The following VANGL1 variants were observed in gnomAD, a reference collection of about 807,000 sequenced individuals.
VANGL1 encodes vang-like protein 1.
In VANGL1, 18 loss-of-function variants were observed where a neutral mutation model predicts 48.4. The ratio of observed to expected loss-of-function variants is 0.37; its 90% CI spans 0.26 to 0.55. The LOEUF (loss-of-function observed/expected upper bound fraction) is 0.55, where lower values mean the gene tolerates loss of function less well. Ranked by LOEUF, VANGL1 falls within the 20% of genes least tolerant of loss-of-function variation. The pLI is 0.81. For missense variants in VANGL1, 667 were observed against 675.8 expected (o/e 0.99, Z 0.14); for synonymous variants, 257 against 261.8 (o/e 0.98, Z 0.18).
intron 1 of VANGL1, among the ~76,000 whole-genome samples, chr1:115,650,165 CT>C (rs1045435063): frequency 6.6e-6 from 1 of 152,192 alleles, no homozygotes; most frequent in Non-Finnish European, 1.5e-5. Context: ...GTCAGGGAAA[CT>C]TGGCCTCCTC....
chr1:115,679,724 G>A (rs1296355677), intron 4 of VANGL1, among the ~76,000 whole-genome samples: 1 of 152,236 alleles, frequency 6.6e-6, no homozygotes, highest in African/African-American at 2.4e-5. Flanking sequence ...ATAGTTTTGA[G>A]TTGAAAATGG....
At chr1:115,676,531 C>T (rs898296003) in intron 4 of VANGL1, among the ~76,000 whole-genome samples, 1 of 152,158 alleles carries the variant, frequency 6.6e-6, no homozygotes, top group Non-Finnish European at 1.5e-5. Flanking sequence ...TTTGAATAAC[C>T]ACTTTAAAAT....
At position 115,682,400 on chromosome 1, in the gene VANGL1, C is replaced by T; in HGVS notation, c.849C>T (p.Tyr283=). The change falls in exon 5 of 8, where the codon TAC becomes TAT. Residue 283 remains tyrosine, a synonymous_variant. Transcript: ENST00000355485. The part of the protein sequence containing the change: ...QRAALVVLEN[Y]YKDFTIYNPN... ...CAGCATTGGTGGTCCTAGAAAATTA[C>T]TACAAAGATTTCACCATCTATAACC... The T allele has an allele frequency of 3.1e-6, 5 of 1,614,168 alleles. No homozygotes were observed. Among genetic ancestry groups the T allele is most frequent in the Non-Finnish European group, 4.2e-6 (5 of 1,180,026 alleles).
At chr1:115,690,558 C>T (rs1653790586) in intron 7 of VANGL1, among the ~76,000 whole-genome samples, 1 of 152,242 alleles carries the variant, frequency 6.6e-6, no homozygotes, top group African/African-American at 2.4e-5. Flanking sequence ...ACACTTTCAT[C>T]CTTACGGCAG....
chr1:115,696,661 G>C lies in VANGL1; in HGVS notation c.*5282G>C, dbSNP rs1488786557. On this transcript the variant is annotated 3_prime_UTR_variant, in exon 8 of 8. Coordinates refer to ENST00000355485, the MANE Select transcript of VANGL1 (RefSeq NM_138959.3). ...TATAAGTCCCGTTTTCCCAGGTCCT[G>C]TTCCGTTTCTACGTAGATAACCCAA... The C allele has an allele frequency of 6.6e-6, 1 of 152,188 alleles. No individual in the cohort carries two copies. The highest frequency in any genetic ancestry group is 2.4e-5 in the African/African-American group (1 of 41,444). 9.4% of individuals were successfully genotyped at this position (152,188 alleles called of 1,614,324 possible).
chr1:115,662,560 AAAAAG>A (rs1652600039), intron 3 of VANGL1, among the ~76,000 whole-genome samples: 1 of 152,238 alleles, frequency 6.6e-6, no homozygotes, highest in African/African-American at 2.4e-5. Context: ...CTAGAAGTTT[AAAAAG>A]AGAGGAAGCT....
At chr1:115,665,669 G>A (rs1379904726) in intron 4 of VANGL1, among the ~76,000 whole-genome samples, 2 of 152,196 alleles carry the variant, frequency 1.3e-5, no homozygotes, top group African/African-American at 4.8e-5. Context: ...GTGGAAACTG[G>A]TGTCCAAGTC....
intron 4 of VANGL1, among the ~76,000 whole-genome samples, chr1:115,678,715 G>A (rs530330046): frequency 1.3e-5 from 2 of 152,254 alleles, no homozygotes; most frequent in African/African-American, 4.8e-5. Context: ...CAGAACTTTG[G>A]GAGGCCAAGG....
chr1:115,652,408 C>G (rs935087013), intron 2 of VANGL1, among the ~76,000 whole-genome samples: 1 of 152,184 alleles, frequency 6.6e-6, no homozygotes, highest in Admixed American at 6.5e-5. Context: ...TAGAATTGTA[C>G]TTGGTGAAAT....
chr1:115,649,544 G>A (rs61800293), intron 1 of VANGL1, among the ~76,000 whole-genome samples: 2 of 152,114 alleles, frequency 1.3e-5, no homozygotes, highest in Non-Finnish European at 2.9e-5. Context: ...TTCGGAACCC[G>A]CAAAGAGAGT....
chr1:115,672,502 G>A (rs1489571519), intron 4 of VANGL1, among the ~76,000 whole-genome samples: 1 of 152,090 alleles, frequency 6.6e-6, no homozygotes, highest in Non-Finnish European at 1.5e-5. Flanking sequence ...TTCCCTTTGC[G>A]GGATGGTCAG....
In VANGL1 at chr1:115,698,136, C is replaced by CT. The variant is rs1654095244; in HGVS notation, c.*6757_*6758insT. The CT allele has an allele frequency of 9.4e-6, 1 of 106,204 alleles. No homozygotes were observed. The highest frequency in any genetic ancestry group is 2.7e-4 in the South Asian group (1 of 3,694). The allele number at this position is 106,204 out of a possible 1,614,324, so 6.6% of individuals were successfully genotyped here. The stretch of plus-strand genomic sequence containing the variant: ...TCCTTTTTGGGTCCTCCAGTATAAT[C>CT]CCCCCCTCATCCCAATTAACTGTAA... On this transcript the variant is annotated 3_prime_UTR_variant, in exon 8 of 8. Transcript: ENST00000355485.
chr1:115,671,752 G>A (rs1189622455), intron 4 of VANGL1, among the ~76,000 whole-genome samples: 4 of 152,314 alleles, frequency 2.6e-5, no homozygotes, highest in Non-Finnish European at 5.9e-5. Context: ...TACAAGCAGG[G>A]CTGCATGCTC....
chr1:115,662,368 G>A (rs777139755), intron 3 of VANGL1, among the ~76,000 whole-genome samples: 11 of 152,106 alleles, frequency 7.2e-5, no homozygotes, highest in Non-Finnish European at 1.0e-4. Flanking sequence ...TTTTCTTTCC[G>A]AGTGAAAGGA....
rs1570785758 is a variant in VANGL1 at position 115,695,364 on chromosome 1, G to T, written c.*3985G>T. On this transcript the variant is annotated 3_prime_UTR_variant, in exon 8 of 8. Transcript: ENST00000355485. ...TTAAGTATTTCTGGGTAGTGTTTGT[G>T]ATTTACGGATTTGTTACTGAAAAAC... The T allele has an allele frequency of 6.6e-6, 1 of 152,586 alleles. No individual in the cohort carries two copies. Among genetic ancestry groups the T allele is most frequent in the East Asian group, 1.9e-4 (1 of 5,200 alleles). The allele number at this position is 152,586 out of a possible 1,614,324, so 9.5% of individuals were successfully genotyped here.
chr1:115,681,773 C>T (rs992769592), intron 4 of VANGL1, among the ~76,000 whole-genome samples: 6 of 152,262 alleles, frequency 3.9e-5, no homozygotes, highest in Non-Finnish European at 7.4e-5. Flanking sequence ...TCCCAAAGTG[C>T]TGGGATTACA....
chr1:115,681,920 C>A (rs1016889916), intron 4 of VANGL1, among the ~76,000 whole-genome samples: 1 of 152,174 alleles, frequency 6.6e-6, no homozygotes, highest in Non-Finnish European at 1.5e-5. Context: ...GGGACAAAAC[C>A]CTGAATGAGG....
At position 115,691,203 on chromosome 1, in the gene VANGL1, A is replaced by G; in HGVS notation, c.1399A>G (p.Ser467Gly). 6.2e-7 allele frequency: 1 copy of G among 1,613,938 alleles called. No individual in the cohort carries two copies. ...GCTCTCTACACAGTGGAGGCTTGTCAGTGATGAGGCTGTGACTAATGGATT... is the reference window on the plus strand; with the variant it reads ...GCTCTCTACACAGTGGAGGCTTGTCGGTGATGAGGCTGTGACTAATGGATT... Reference protein sequence around the residue: ...RWLSTQWRLVSDEAVTNGLRD... With the variant: ...RWLSTQWRLVGDEAVTNGLRD... Residue 467 changes from serine to glycine, a missense_variant, in exon 8 of 8, where the codon AGT becomes GGT. Physicochemically the swap from Ser to Gly is moderately conservative, Grantham distance 56. Coordinates refer to ENST00000355485, the MANE Select transcript of VANGL1 (RefSeq NM_138959.3).
intron 7 of VANGL1, among the ~76,000 whole-genome samples, chr1:115,686,570 T>C (rs760799791): frequency 2.6e-5 from 4 of 151,924 alleles, no homozygotes; most frequent in Non-Finnish European, 4.4e-5. Context: ...GAGAAGTGGG[T>C]TCAAATCCTG....
Sources: gnomAD v4.1 joint callset for allele counts (sites outside exome capture counted in the v4.1 genomes callset) on GRCh38, gnomAD v4.1.1 for gene constraint, MANE v1.5 for transcripts, NCBI Gene and HGNC (gene_info 2026-07-23, HGNC 2026-07-21) for gene names.